Variants in PPP6R2 observed in about 807,000 individuals in gnomAD.
PPP6R2 encodes the protein serine/threonine-protein phosphatase 6 regulatory subunit 2.
PPP6R2 carries 62 observed loss-of-function variants against 100.2 expected under a neutral mutation model. The ratio of observed to expected loss-of-function variants is 0.62; its 90% CI spans 0.50 to 0.76. PPP6R2 has a LOEUF of 0.76. Among genes scored for constraint, PPP6R2 ranks in the 30% least tolerant of loss-of-function variants. PPP6R2 has a pLI of 0.00. For missense variants in PPP6R2, 1,142 were observed against 1,276.3 expected (o/e 0.89, Z 1.60); for synonymous variants, 525 against 514.7 (o/e 1.02, Z -0.27).
chr22:50,352,665 C>T (rs543496618), intron 1 of PPP6R2, among the ~76,000 whole-genome samples: 30 of 151,652 alleles, frequency 2.0e-4, no homozygotes, highest in Non-Finnish European at 3.7e-4. Context: ...GTGGAAGTTG[C>T]AGTGAGCCAA....
intron 1 of PPP6R2, among the ~76,000 whole-genome samples, chr22:50,347,341 C>T (rs2044011278): frequency 6.6e-6 from 1 of 152,090 alleles, no homozygotes; most frequent in South Asian, 2.1e-4. Context: ...CCCCTCTTGT[C>T]CAATCACTGA....
At chr22:50,358,678 T>C (rs2047112034) in intron 1 of PPP6R2, among the ~76,000 whole-genome samples, 1 of 152,196 alleles carries the variant, frequency 6.6e-6, no homozygotes, top group Admixed American at 6.5e-5. Flanking sequence ...CTTTCCCTCC[T>C]TCTCTAAGCA....
chr22:50,433,263 C>T (rs1231536449), intron 12 of PPP6R2, among the ~76,000 whole-genome samples: 1 of 141,736 alleles, frequency 7.1e-6, no homozygotes, highest in Admixed American at 7.0e-5. Flanking sequence ...CGGGCATTTG[C>T]TCTGGAGGTG....
intron 1 of PPP6R2, among the ~76,000 whole-genome samples, chr22:50,348,989 C>A (rs1259463750): frequency 6.6e-6 from 1 of 151,524 alleles, no homozygotes; most frequent in African/African-American, 2.4e-5. Flanking sequence ...GTCAGGAGTT[C>A]GAGACCAGCT....
the PPP6R2 span, among the ~76,000 whole-genome samples, chr22:50,333,186 C>A: frequency 2.6e-5 from 4 of 151,972 alleles, no homozygotes; most frequent in African/African-American, 9.7e-5. Flanking sequence ...AAAAATCAAT[C>A]GATGATAATT....
intron 9 of PPP6R2, among the ~76,000 whole-genome samples, 159 bp downstream of exon 9, chr22:50,422,539 C>T (rs2061476275): frequency 1.3e-5 from 2 of 152,168 alleles, no homozygotes. Flanking sequence ...AAGCACCGGG[C>T]AGGTGCCAAA....
chr22:50,350,945 C>T (rs2044974508), intron 1 of PPP6R2, among the ~76,000 whole-genome samples: 1 of 147,172 alleles, frequency 6.8e-6, no homozygotes. Flanking sequence ...AATCAGAGCT[C>T]TTGGGTGACT....
At position 50,437,046 on chromosome 22, in the gene PPP6R2, C is replaced by T; in HGVS notation, c.1661C>T (p.Pro554Leu). 1 of 1,561,700 alleles carries T rather than the reference C, an allele frequency of 6.4e-7. No homozygotes were observed. The highest frequency in any genetic ancestry group is 2.4e-5 in the East Asian group (1 of 41,796). ...GACGAGGACATTGAGGGTGCTTTCC[C>T]TAACGAGCTGTCCCTTCAGCAGGTG... ...SEDEDIEGAF[P>L]NELSLQQAFS... Residue 554 changes from proline to leucine, a missense_variant, in exon 15 of 24, where the codon CCT becomes CTT. Coordinates refer to ENST00000612753, the MANE Select transcript of PPP6R2 (RefSeq NM_001242898.2).
chr22:50,358,525 A>G (rs955206152), intron 1 of PPP6R2, among the ~76,000 whole-genome samples: 1 of 152,226 alleles, frequency 6.6e-6, no homozygotes, highest in African/African-American at 2.4e-5. Flanking sequence ...ATGATAAACT[A>G]TACATGCTTA....
chr22:50,422,037 A>C (rs906781250), intron 8 of PPP6R2, among the ~76,000 whole-genome samples: 15 of 152,026 alleles, frequency 9.9e-5, no homozygotes, highest in African/African-American at 3.6e-4. Flanking sequence ...CGGATGTCGC[A>C]AGCAAGCATC....
chr22:50,406,951 C>A lies in PPP6R2; in HGVS notation c.414+76C>A, dbSNP rs1046193536. ...CTGACGTGTCCTGCTGTGAGCCTGG[C>A]GGTGCGACTCATCCTCCGGCCGCGG... On this transcript the variant is annotated intron_variant, in intron 4 of 23. Transcript: ENST00000612753. 3.5e-5 allele frequency: 49 copies of A among 1,420,178 alleles called. 1 individual carries two copies. The highest frequency in any genetic ancestry group is 4.5e-5 in the Non-Finnish European group (46 of 1,017,272). 88.0% of individuals were successfully genotyped at this position (1,420,178 alleles called of 1,614,324 possible). A position where few individuals can be genotyped will look rare whatever the true frequency, so the allele number is the denominator to read the frequency against.
rs1053084137 is a variant in PPP6R2, at chr22:50,439,729, G to C, written c.2157G>C (p.Glu719Asp). The C allele has an allele frequency of 2.5e-6, 4 of 1,609,492 alleles. No individual in the cohort carries two copies. Among genetic ancestry groups the C allele is most frequent in the African/African-American group, 1.3e-5 (1 of 74,862 alleles). Residue 719 changes from glutamate to aspartate, a missense_variant, in exon 20 of 24, where the codon GAG becomes GAC. Coordinates refer to ENST00000612753, the MANE Select transcript of PPP6R2 (RefSeq NM_001242898.2). ...CCATGTGGACGGCAGTGTTTGATGA[G>C]CCAGCGAACTCAACGCCCACAGCCC... ...EGAMWTAVFD[E>D]PANSTPTAPG...
upstream of PPP6R2, among the ~76,000 whole-genome samples, chr22:50,338,975 TGTG>T (rs1389363937): frequency 1.3e-4 from 16 of 127,744 alleles, no homozygotes; most frequent in Non-Finnish European, 2.5e-4. Context: ...GGGTGTGTGG[TGTG>T]TGTGTGGTAT....
At chr22:50,440,146 G>C (rs188621239) in intron 21 of PPP6R2, 97 bp downstream of exon 21, 2 of 1,133,344 alleles carry the variant, frequency 1.8e-6, no homozygotes, top group Non-Finnish European at 2.5e-6. Flanking sequence ...GGAGGTGGCC[G>C]GGGCCTCGCA....
intron 1 of PPP6R2, among the ~76,000 whole-genome samples, chr22:50,367,838 TG>T (rs1379182625): frequency 3.9e-5 from 6 of 152,140 alleles, no homozygotes; most frequent in African/African-American, 4.8e-5. Flanking sequence ...AAAAGACAGT[TG>T]GGCCTGGGGG....
At chr22:50,395,478 GATAC>G (rs1262949624) in intron 3 of PPP6R2, among the ~76,000 whole-genome samples, 5 of 152,178 alleles carry the variant, frequency 3.3e-5, no homozygotes, top group Non-Finnish European at 5.9e-5. Context: ...GGAAGTGGGA[GATAC>G]ATACAGGTTA....
intron 22 of PPP6R2, chr22:50,443,410 C>G (rs540407725): frequency 6.2e-6 from 1 of 160,012 alleles, no homozygotes; most frequent in African/African-American, 2.4e-5. Context: ...CCAGGGGGCC[C>G]GTCTGCTGCT....
At position 50,438,245 on chromosome 22, in the gene PPP6R2, C is replaced by T; in HGVS notation, c.1911C>T (p.Asp637=). ...CCTTTGATGATGATGAGGACGAGGA[C>T]ATCTGGGAGGACAGTGACACTCGCT... The part of the protein sequence containing the change: ...IQPFDDDEDE[D]IWEDSDTRCA... The change falls in exon 18 of 24, where the codon GAC becomes GAT. Residue 637 remains aspartate, a synonymous_variant. Transcript: ENST00000612753. The T allele has an allele frequency of 1.2e-6, 2 of 1,613,934 alleles. No individual in the cohort carries two copies. Among genetic ancestry groups the T allele is most frequent in the Non-Finnish European group, 1.7e-6 (2 of 1,179,990 alleles).
At chr22:50,332,907 C>T in the PPP6R2 span, among the ~76,000 whole-genome samples, 1 of 152,220 alleles carries the variant, frequency 6.6e-6, no homozygotes, top group Admixed American at 6.5e-5. Flanking sequence ...CAGGCCTGAG[C>T]CACCACAACC....
Sources: gnomAD v4.1 joint callset for allele counts (sites outside exome capture counted in the v4.1 genomes callset) on GRCh38, gnomAD v4.1.1 for gene constraint, MANE v1.5 for transcripts, NCBI Gene and HGNC (gene_info 2026-07-23, HGNC 2026-07-21) for gene names.